Variants in TNS3 observed in about 807,000 individuals in gnomAD.
TNS3 encodes tensin 3.
A neutral mutation model predicts 140.9 loss-of-function variants in TNS3; 45 were observed. The ratio of observed to expected loss-of-function variants is 0.32; its 90% CI spans 0.25 to 0.41. The LOEUF is 0.41. TNS3 is among the 10% of genes least tolerant of loss of function. The pLI, the probability that TNS3 is intolerant of heterozygous loss-of-function variation, is 1.00. For missense variants in TNS3, 1,716 were observed against 1,906.7 expected (o/e 0.90, Z 1.86); for synonymous variants, 815 against 788.4 (o/e 1.03, Z -0.56).
rs575782743 is a variant in TNS3 at position 47,363,536 on chromosome 7, C to A, written c.2281+4829G>T. Reference sequence around the variant, plus strand: ...TTTCTCATAATGAGGACATAATCTGCAAATAGTGAAAGATTCTGGTAACTT... The same window carrying A: ...TTTCTCATAATGAGGACATAATCTGAAAATAGTGAAAGATTCTGGTAACTT... On this transcript the variant is annotated intron_variant, in intron 17 of 30. Coordinates refer to ENST00000311160, the MANE Select transcript of TNS3 (RefSeq NM_022748.12). Among the ~76,000 whole-genome samples, 3 of 152,302 alleles carry A rather than the reference C, an allele frequency of 2.0e-5. No homozygotes were observed. In the South Asian group the frequency reaches 6.2e-4, roughly 32 times the overall value.
At chr7:47,307,408 A>T (rs1412562604) in intron 20 of TNS3, among the ~76,000 whole-genome samples, 1 of 152,166 alleles carries the variant, frequency 6.6e-6, no homozygotes, top group Non-Finnish European at 1.5e-5. Context: ...CTGTTGATGG[A>T]CACTTGGGTT....
At chr7:47,484,680 C>A (rs1261495451) in intron 3 of TNS3, among the ~76,000 whole-genome samples, 2 of 152,202 alleles carry the variant, frequency 1.3e-5, no homozygotes, top group African/African-American at 4.8e-5. Flanking sequence ...GCGCACACAG[C>A]TCTCCACTGA....
chr7:47,467,412 C>G (rs1251685032), intron 4 of TNS3, among the ~76,000 whole-genome samples: 1 of 152,160 alleles, frequency 6.6e-6, no homozygotes, highest in African/African-American at 2.4e-5. Flanking sequence ...GGACTTTTTT[C>G]TTTTTAATTT....
chr7:47,325,479 G>A (rs1449829069), intron 20 of TNS3, among the ~76,000 whole-genome samples: 2 of 152,128 alleles, frequency 1.3e-5, no homozygotes, highest in African/African-American at 4.8e-5. Context: ...CTGCTATCTC[G>A]TGGTGGAACG....
chr7:47,275,796 C>T lies in TNS3; in HGVS notation c.*2280G>A, dbSNP rs1189473883. ...ACCTTGTGTAAAAATCACACCTGGC[C>T]AATGAGTTCAAAAAGCACGTTTGCA... On this transcript the variant is annotated 3_prime_UTR_variant, in exon 31 of 31. Transcript: ENST00000311160. The T allele has an allele frequency of 2.2e-6, 1 of 455,772 alleles. No homozygotes were observed. The highest frequency in any genetic ancestry group is 2.3e-5 in the Admixed American group (1 of 42,574). The allele number at this position is 455,772 out of a possible 1,614,324, so 28.2% of individuals were successfully genotyped here. A position where few individuals can be genotyped will look rare whatever the true frequency, so the allele number is the denominator to read the frequency against.
intron 1 of TNS3, among the ~76,000 whole-genome samples, chr7:47,533,641 G>A (rs6963673): frequency 1.5e-3 from 229 of 152,232 alleles, no homozygotes; most frequent in African/African-American, 5.4e-3. Flanking sequence ...TGGCTTGACT[G>A]TGTCCCCGCC....
At position 47,368,727 on chromosome 7, in the gene TNS3, C is replaced by A; in HGVS notation, c.1919G>T (p.Arg640Met). Reference protein sequence around the residue: ...PLTPTRGTSSRVAVQRGVGSG... With the variant: ...PLTPTRGTSSMVAVQRGVGSG... ...GCCTACACCCCTCTGGACAGCCACC[C>A]TACTGCTGGTCCCTCGGGTGGGGGT... The change falls in exon 17 of 31, where the codon AGG (arginine) becomes ATG (methionine). Residue 640 changes from arginine (R) to methionine (M), a missense_variant. By Grantham distance (91) the Arg-to-Met change is moderately conservative. Transcript: ENST00000311160. 1 of 1,578,482 alleles carries A rather than the reference C, an allele frequency of 6.3e-7. No individual in the cohort carries two copies. Among genetic ancestry groups the A allele is most frequent in the Non-Finnish European group, 8.6e-7 (1 of 1,161,632 alleles).
intron 4 of TNS3, among the ~76,000 whole-genome samples, chr7:47,443,929 A>G (rs1024586508): frequency 6.6e-6 from 1 of 152,198 alleles, no homozygotes; most frequent in Non-Finnish European, 1.5e-5. Flanking sequence ...CCAAACAAAT[A>G]AACAACAAAA....
chr7:47,580,581 C>T (rs1784505372), intron 1 of TNS3, among the ~76,000 whole-genome samples: 1 of 151,112 alleles, frequency 6.6e-6, no homozygotes. Context: ...GGCCTTGCCC[C>T]TCCACCCTCC....
intron 7 of TNS3, 49 bp downstream of exon 7, chr7:47,437,214 A>T: frequency 7.6e-7 from 1 of 1,312,332 alleles, no homozygotes; most frequent in Non-Finnish European, 1.1e-6. Context: ...CAAAATAAGC[A>T]TTGTTTACAT....
chr7:47,516,250 G>C (rs756784659), intron 2 of TNS3, among the ~76,000 whole-genome samples: 1 of 152,204 alleles, frequency 6.6e-6, no homozygotes, highest in Non-Finnish European at 1.5e-5. Context: ...TGTACAAATT[G>C]TAAAGATCAC....
intron 20 of TNS3, among the ~76,000 whole-genome samples, chr7:47,317,462 C>T (rs1363760033): frequency 1.3e-5 from 2 of 152,194 alleles, no homozygotes; most frequent in East Asian, 1.9e-4. Context: ...AAAGAAAACA[C>T]ATTTACCAGT....
chr7:47,472,531 A>G (rs1429439691), intron 4 of TNS3, among the ~76,000 whole-genome samples: 1 of 152,206 alleles, frequency 6.6e-6, no homozygotes, highest in East Asian at 1.9e-4. Context: ...GGTGAAATGC[A>G]CAGAAAACTG....
chr7:47,533,746 T>A (rs1799502033), intron 1 of TNS3, among the ~76,000 whole-genome samples: 1 of 152,182 alleles, frequency 6.6e-6, no homozygotes, highest in South Asian at 2.1e-4. Context: ...GTTCTCATGA[T>A]AATGAATAAT....
chr7:47,347,249 G>C (rs1789396878), intron 17 of TNS3, among the ~76,000 whole-genome samples: 1 of 152,118 alleles, frequency 6.6e-6, no homozygotes, highest in Non-Finnish European at 1.5e-5. Flanking sequence ...AACATGAGTG[G>C]CCCACATAAG....
chr7:47,424,289 A>G, intron 9 of TNS3, 105 bp from the exon 10 acceptor site: 2 of 1,072,694 alleles, frequency 1.9e-6, no homozygotes, highest in Non-Finnish European at 2.7e-6. Context: ...ACCAGCTCCC[A>G]CAAGGGGCTT....
chr7:47,516,744 T>C (rs953689985), intron 2 of TNS3, among the ~76,000 whole-genome samples: 1 of 152,206 alleles, frequency 6.6e-6, no homozygotes, highest in Non-Finnish European at 1.5e-5. Flanking sequence ...CCTGTGAAGA[T>C]ACACAAACAC....
chr7:47,354,024 CACACACACAA>C (rs1002956971), intron 17 of TNS3, among the ~76,000 whole-genome samples: 4 of 151,632 alleles, frequency 2.6e-5, no homozygotes, highest in African/African-American at 7.3e-5. Flanking sequence ...CACACACACA[CACACACACAA>C]ATTCCAAGGT....
At chr7:47,332,402 C>T (rs564335355) in intron 20 of TNS3, among the ~76,000 whole-genome samples, 16 of 152,370 alleles carry the variant, frequency 1.1e-4, no homozygotes, top group African/African-American at 3.6e-4. Flanking sequence ...TTCTAAGAGG[C>T]ATCCTGCTGG....
Sources: allele counts gnomAD v4.1 joint callset (sites outside exome capture counted in the v4.1 genomes callset), GRCh38; gene constraint gnomAD v4.1.1; transcripts MANE v1.5; gene names NCBI Gene and HGNC (gene_info 2026-07-23, HGNC 2026-07-21).